Variants in TTC29 observed in about 807,000 individuals in gnomAD.
TTC29 encodes the protein tetratricopeptide repeat protein 29.
Under a neutral mutation model 58.1 loss-of-function variants are expected in TTC29, and 49 were observed. That is an observed-to-expected ratio of 0.84 (90% CI 0.67 to 1.07). The LOEUF (loss-of-function observed/expected upper bound fraction) is 1.07, where lower values mean the gene tolerates loss of function less well. Ranked by LOEUF, TTC29 falls within the 50% of genes least tolerant of loss-of-function variation. The pLI, the probability that TTC29 is intolerant of heterozygous loss-of-function variation, is 0.00. For synonymous variants in TTC29, 209 were observed against 196.8 expected (o/e 1.06, Z -0.52); for missense variants, 582 against 555.6 (o/e 1.05, Z -0.48).
At chr4:146,928,117 T>A (rs1735061931) in intron 4 of TTC29, among the ~76,000 whole-genome samples, 1 of 152,128 alleles carries the variant, frequency 6.6e-6, no homozygotes, top group East Asian at 1.9e-4. Flanking sequence ...AGAAAAATCA[T>A]TCTAGGCCAA....
chr4:146,918,034 C>A (rs1350778672), intron 4 of TTC29, among the ~76,000 whole-genome samples: 1 of 150,372 alleles, frequency 6.7e-6, no homozygotes, highest in African/African-American at 2.4e-5. Context: ...AAAATCTGCC[C>A]CCCAGAACAT....
chr4:146,733,904 ACTGT>A (rs1378897057), intron 11 of TTC29, among the ~76,000 whole-genome samples: 10 of 152,264 alleles, frequency 6.6e-5, no homozygotes, highest in African/African-American at 2.2e-4. Flanking sequence ...TATTCATGAG[ACTGT>A]CTAACTTAAT....
chr4:146,846,402 A>G (rs1382496419), intron 8 of TTC29, among the ~76,000 whole-genome samples: 1 of 152,178 alleles, frequency 6.6e-6, no homozygotes, highest in Non-Finnish European at 1.5e-5. Context: ...TAGTCCTGGT[A>G]TTTGGAACGA....
intron 8 of TTC29, among the ~76,000 whole-genome samples, chr4:146,846,948 G>A (rs992185159): frequency 2.4e-4 from 36 of 152,004 alleles, no homozygotes; most frequent in African/African-American, 6.5e-4. Flanking sequence ...TGATAAACTC[G>A]GTAAACCCTA....
chr4:146,722,287 C>T (rs1743422853), intron 11 of TTC29, among the ~76,000 whole-genome samples: 1 of 152,106 alleles, frequency 6.6e-6, no homozygotes, highest in Non-Finnish European at 1.5e-5. Context: ...AAGCTACCAA[C>T]ATCATTTTTC....
intron 11 of TTC29, 111 bp from the exon 12 acceptor site, chr4:146,707,662 A>AGAT: frequency 1.4e-6 from 1 of 709,974 alleles, no homozygotes; most frequent in East Asian, 2.7e-5. Flanking sequence ...ATCACCTATA[A>AGAT]GATAAGGGTG....
rs190584188 is a variant in TTC29, at chr4:146,743,681, T to A, written c.1331-36130A>T. ...AAGATTATTACAGATTGCTTTGATT[T>A]CCTTCTGCTGATAATTTTGCTTCTT... On this transcript the variant is annotated intron_variant, in intron 11 of 12. Coordinates refer to ENST00000325106, the MANE Select transcript of TTC29 (RefSeq NM_031956.4). Among the ~76,000 whole-genome samples the A allele has an allele frequency of 3.9e-5, 6 of 152,354 alleles. 1 individual carries two copies. In the South Asian group the frequency reaches 1.2e-3, roughly 32 times the overall value.
intron 9 of TTC29, among the ~76,000 whole-genome samples, chr4:146,823,551 T>A (rs552160774): frequency 1.5e-3 from 224 of 152,336 alleles, no homozygotes; most frequent in South Asian, 7.5e-3. Flanking sequence ...TCCAGCTTTG[T>A]TCTTTTTGCT....
intron 10 of TTC29, among the ~76,000 whole-genome samples, chr4:146,815,266 G>T (rs756323575): frequency 4.6e-5 from 7 of 150,570 alleles, no homozygotes; most frequent in African/African-American, 7.5e-5. Context: ...GAGGGAAAAG[G>T]GTGGATTCGA....
intron 6 of TTC29, among the ~76,000 whole-genome samples, chr4:146,889,236 G>A (rs994566829): frequency 4.6e-5 from 7 of 152,004 alleles, no homozygotes; most frequent in East Asian, 1.9e-4. Flanking sequence ...CTCATTAATA[G>A]TGTTGTGATT....
chr4:146,873,217 C>T (rs1373613525), intron 7 of TTC29, among the ~76,000 whole-genome samples: 1 of 152,122 alleles, frequency 6.6e-6, no homozygotes, highest in Non-Finnish European at 1.5e-5. Flanking sequence ...CTCCTTCAGG[C>T]TCCCTGATCA....
chr4:146,803,475 C>T lies in TTC29; in HGVS notation c.1312G>A (p.Glu438Lys), dbSNP rs1284126078. Reference protein sequence around the residue: ...LSWKESRGNIEPDPVTEEFRG... With the variant: ...LSWKESRGNIKPDPVTEEFRG... Reference sequence around the variant, plus strand: ...GCCTTACCAGTAACTGGATCAGGTTCAATGTTACCTCTGCTCTCCTTCCAT... The same window carrying T: ...GCCTTACCAGTAACTGGATCAGGTTTAATGTTACCTCTGCTCTCCTTCCAT... The change falls in exon 11 of 13, where the codon GAA (glutamate) becomes AAA (lysine). Residue 438 changes from glutamate (E) to lysine (K), a missense_variant. By Grantham distance (56) the Glu-to-Lys change is moderately conservative. Coordinates refer to ENST00000325106, the MANE Select transcript of TTC29 (RefSeq NM_031956.4). 3.2e-6 allele frequency: 5 copies of T among 1,586,028 alleles called. No individual in the cohort carries two copies. Among genetic ancestry groups the T allele is most frequent in the Non-Finnish European group, 4.3e-6 (5 of 1,163,970 alleles).
At chr4:146,769,830 A>G (rs1166344972) in intron 11 of TTC29, among the ~76,000 whole-genome samples, 1 of 152,086 alleles carries the variant, frequency 6.6e-6, no homozygotes, top group Admixed American at 6.6e-5. Context: ...TAAAAAAATG[A>G]TACTGCACAA....
At chr4:146,818,336 C>T (rs1048504570) in intron 10 of TTC29, among the ~76,000 whole-genome samples, 1 of 152,200 alleles carries the variant, frequency 6.6e-6, no homozygotes, top group East Asian at 1.9e-4. Flanking sequence ...TGAGAAAATG[C>T]TCATCATCAC....
chr4:146,762,501 T>C (rs915974832), intron 11 of TTC29, among the ~76,000 whole-genome samples: 1 of 151,982 alleles, frequency 6.6e-6, no homozygotes, highest in Non-Finnish European at 1.5e-5. Context: ...AACAGTTAAA[T>C]ACACAATTAG....
At chr4:146,781,987 A>G (rs1012657053) in intron 11 of TTC29, among the ~76,000 whole-genome samples, 1 of 151,846 alleles carries the variant, frequency 6.6e-6, no homozygotes, top group Admixed American at 6.6e-5. Context: ...TTCACGGCCA[A>G]TTTCTATCAA....
intron 11 of TTC29, among the ~76,000 whole-genome samples, chr4:146,719,535 A>C (rs1377914366): frequency 6.6e-6 from 1 of 152,196 alleles, no homozygotes; most frequent in Non-Finnish European, 1.5e-5. Context: ...TTAGGCTTGG[A>C]AAGACTGATT....
chr4:146,749,373 A>G (rs1041847480), intron 11 of TTC29, among the ~76,000 whole-genome samples: 2 of 152,104 alleles, frequency 1.3e-5, no homozygotes, highest in Non-Finnish European at 2.9e-5. Context: ...TTAAATCAAC[A>G]AAGTAAAAAA....
rs770299483 is a variant in TTC29 at position 146,823,785 on chromosome 4, G to C, written c.978-3537C>G. Reference sequence around the variant, plus strand: ...TTTCTCTCTTATTTCCTTCAGTAGTGGTTTGTAGTGCTCCTTGAAGAGGTC... The same window carrying C: ...TTTCTCTCTTATTTCCTTCAGTAGTCGTTTGTAGTGCTCCTTGAAGAGGTC... On this transcript the variant is annotated intron_variant, in intron 9 of 12. Coordinates refer to ENST00000325106, the MANE Select transcript of TTC29 (RefSeq NM_031956.4). Among the ~76,000 whole-genome samples the C allele has an allele frequency of 2.0e-5, 3 of 152,164 alleles. No homozygotes were observed. In the East Asian group the frequency reaches 5.8e-4, roughly 29 times the overall value.
Sources: allele counts gnomAD v4.1 joint callset (sites outside exome capture counted in the v4.1 genomes callset), GRCh38; gene constraint gnomAD v4.1.1; transcripts MANE v1.5; gene names NCBI Gene and HGNC (gene_info 2026-07-23, HGNC 2026-07-21).